TEAD1: variants seen among roughly 807,000 people sequenced by gnomAD.
TEAD1 encodes the protein TEA domain transcription factor 1.
TEAD1 carries 9 observed loss-of-function variants against 54.9 expected under a neutral mutation model. That is an observed-to-expected ratio of 0.16 (90% confidence interval 0.10 to 0.29). TEAD1 has a LOEUF of 0.29. TEAD1 is among the 10% of genes least tolerant of loss of function. The pLI is 1.00. For missense variants in TEAD1, 387 were observed against 535.9 expected, an observed-to-expected ratio of 0.72 and a Z score of 2.74; for synonymous variants, 200 against 187.8, an observed-to-expected ratio of 1.07 and a Z score of -0.53.
rs114361886 is a variant in TEAD1 at position 12,874,976 on chromosome 11, A to G, written c.331-4732A>G. Among the ~76,000 whole-genome samples, 598 of 152,196 alleles carry G rather than the reference A, an allele frequency of 3.9e-3. 3 individuals carry two copies. The highest frequency in any genetic ancestry group is 0.014 in the African/African-American group (569 of 41,522). ...TGTCCAAACATTTTTCTAGGATGCA[A>G]TTTTCTTATTCTTGCTCATATGCAC... On this transcript the variant is annotated intron_variant, in intron 5 of 12. Transcript: ENST00000527636.
At chr11:12,762,482 T>C (rs998698362) in intron 2 of TEAD1, among the ~76,000 whole-genome samples, 1 of 152,198 alleles carries the variant, frequency 6.6e-6, no homozygotes, top group African/African-American at 2.4e-5. Flanking sequence ...TGGCGTAATT[T>C]ATACCTTCAC....
chr11:12,924,827 A>G, intron 10 of TEAD1, 85 bp from the exon 11 acceptor site: 2 of 1,529,280 alleles, frequency 1.3e-6, no homozygotes, highest in Non-Finnish European at 9.1e-7. Context: ...TCAGCCAAGC[A>G]GAGGTCTTAC....
At chr11:12,824,097 C>A (rs1287336884) in intron 3 of TEAD1, among the ~76,000 whole-genome samples, 2 of 152,188 alleles carry the variant, frequency 1.3e-5, no homozygotes, top group African/African-American at 2.4e-5. Context: ...TCCTTTCTCA[C>A]AAGATTTTAA....
At chr11:12,737,809 G>A (rs979625912) in intron 2 of TEAD1, among the ~76,000 whole-genome samples, 10 of 152,138 alleles carry the variant, frequency 6.6e-5, no homozygotes, top group African/African-American at 1.9e-4. Context: ...GAGAAGCATC[G>A]TAAGGGTGAT....
chr11:12,846,365 G>A (rs910332861), intron 3 of TEAD1, among the ~76,000 whole-genome samples: 6 of 151,846 alleles, frequency 4.0e-5, no homozygotes. Flanking sequence ...CATCTTGCTT[G>A]TTGGTTTAAA....
intron 2 of TEAD1, among the ~76,000 whole-genome samples, chr11:12,749,950 C>T (rs1246203181): frequency 1.3e-5 from 2 of 152,088 alleles, no homozygotes; most frequent in African/African-American, 4.8e-5. Flanking sequence ...CTTTAATTGG[C>T]CCCTGAATTT....
intron 12 of TEAD1, among the ~76,000 whole-genome samples, chr11:12,931,590 G>A (rs935508358): frequency 6.6e-6 from 1 of 151,888 alleles, no homozygotes; most frequent in African/African-American, 2.4e-5. Context: ...TTTTGTTTTT[G>A]TTTTTTAGAA....
intron 3 of TEAD1, among the ~76,000 whole-genome samples, chr11:12,814,399 A>G (rs1357513317): frequency 6.6e-6 from 1 of 152,010 alleles, no homozygotes; most frequent in East Asian, 1.9e-4. Context: ...GGCAGCGCTG[A>G]AGGAAGGGCA....
chr11:12,882,279 T>C (rs1947988835), intron 8 of TEAD1, among the ~76,000 whole-genome samples: 1 of 152,188 alleles, frequency 6.6e-6, no homozygotes, highest in African/African-American at 2.4e-5. Context: ...TTAGGCAGTC[T>C]AAGTCTCAAG....
chr11:12,934,906 C>T (rs866349578), intron 12 of TEAD1, among the ~76,000 whole-genome samples: 2 of 151,956 alleles, frequency 1.3e-5, no homozygotes, highest in Admixed American at 6.6e-5. Flanking sequence ...GTAGTGTACT[C>T]GTGAAACAGG....
At chr11:12,761,319 G>A (rs1462508177) in intron 2 of TEAD1, among the ~76,000 whole-genome samples, 2 of 152,140 alleles carry the variant, frequency 1.3e-5, no homozygotes, top group African/African-American at 4.8e-5. Context: ...ATATTGAGTT[G>A]GAATATTCTT....
chr11:12,864,977 C>G, intron 5 of TEAD1, 77 bp downstream of exon 5: 1 of 1,508,886 alleles, frequency 6.6e-7, no homozygotes, highest in Non-Finnish European at 9.2e-7. Context: ...TGGTGAATGC[C>G]TGGTGCTGGG....
chr11:12,788,292 C>T (rs2133957969), intron 3 of TEAD1, among the ~76,000 whole-genome samples: 1 of 152,116 alleles, frequency 6.6e-6, no homozygotes, highest in Middle Eastern at 3.4e-3. Flanking sequence ...CTACCGTGCC[C>T]AGCCTAATTT....
At chr11:12,758,942 G>A (rs978083674) in intron 2 of TEAD1, among the ~76,000 whole-genome samples, 3 of 152,168 alleles carry the variant, frequency 2.0e-5, no homozygotes, top group Non-Finnish European at 2.9e-5. Flanking sequence ...TACAGGTGCT[G>A]TGTGGTCCTG....
chr11:12,883,309 G>A (rs1176982262), intron 9 of TEAD1, among the ~76,000 whole-genome samples, 184 bp downstream of exon 9: 1 of 152,194 alleles, frequency 6.6e-6, no homozygotes, highest in Non-Finnish European at 1.5e-5. Flanking sequence ...TGGCAGATTT[G>A]TAGAAAACAG....
intron 2 of TEAD1, among the ~76,000 whole-genome samples, chr11:12,699,558 T>A (rs980023374): frequency 2.6e-5 from 4 of 152,190 alleles, no homozygotes; most frequent in South Asian, 2.1e-4. Flanking sequence ...TTCTGTGGGG[T>A]TATTCATAGA....
At chr11:12,905,395 A>G (rs1948500789) in intron 10 of TEAD1, among the ~76,000 whole-genome samples, 1 of 152,254 alleles carries the variant, frequency 6.6e-6, no homozygotes, top group African/African-American at 2.4e-5. Flanking sequence ...TAAGATTTGC[A>G]GAATTAAAAT....
chr11:12,881,007 C>T lies in TEAD1; in HGVS notation c.468C>T (p.Phe156=). 2 of 1,614,136 alleles carry T rather than the reference C, an allele frequency of 1.2e-6. No individual in the cohort carries two copies. Among genetic ancestry groups the T allele is most frequent in the Non-Finnish European group, 1.7e-6 (2 of 1,180,024 alleles). Residue 156 remains phenylalanine, a splice_region_variant and synonymous_variant, in exon 7 of 13, where the codon TTC becomes TTT. Coordinates refer to ENST00000527636, the MANE Select transcript of TEAD1 (RefSeq NM_021961.6). ...GGCCTTTGCATTTTGCCTTCCAGTT[C>T]TGGCCGGGAATGATTCAAACAGGGC...
intron 3 of TEAD1, among the ~76,000 whole-genome samples, chr11:12,808,093 A>T (rs1036509404): frequency 3.9e-5 from 6 of 152,206 alleles, no homozygotes; most frequent in African/African-American, 1.4e-4. Context: ...TGGGGAAAAG[A>T]TGAGAAGGAA....
Sources: gnomAD v4.1 joint callset for allele counts (sites outside exome capture counted in the v4.1 genomes callset) on GRCh38, gnomAD v4.1.1 for gene constraint, MANE v1.5 for transcripts, NCBI Gene and HGNC (gene_info 2026-07-23, HGNC 2026-07-21) for gene names.